SORCS2: variants seen among roughly 807,000 people sequenced by gnomAD.
The protein encoded by SORCS2 is sortilin related VPS10 domain containing receptor 2.
A neutral mutation model predicts 141.6 loss-of-function variants in SORCS2; 100 were observed. That is an observed-to-expected ratio of 0.71 (90% CI 0.60 to 0.83). The LOEUF is 0.83. SORCS2 is among the 40% of genes least tolerant of loss of function. The pLI, the probability that SORCS2 is intolerant of heterozygous loss-of-function variation, is 0.00. For synonymous variants in SORCS2, 789 were observed against 676.9 expected (o/e 1.17, Z -2.57); for missense variants, 1,646 against 1,560.2 (o/e 1.05, Z -0.93).
In SORCS2 at chr4:7,664,276, G is replaced by A; in HGVS notation, c.953-77G>A. 8.7e-7 allele frequency: 1 copy of A among 1,153,082 alleles called. No individual in the cohort carries two copies. Among genetic ancestry groups the A allele is most frequent in the East Asian group, 2.6e-5 (1 of 39,038 alleles). 71.4% of individuals were successfully genotyped at this position (1,153,082 alleles called of 1,614,324 possible). ...ACCACAGCGGTATTGGAGGAAGATG[G>A]AGTCCAGCACATGTCTCGGGCCGTC... On this transcript the variant is annotated intron_variant, in intron 6 of 26. Transcript: ENST00000507866. The surrounding 1 kb of genome is among the most constrained non-coding windows in gnomAD (Gnocchi z 4.7).
intron 2 of SORCS2, among the ~76,000 whole-genome samples, chr4:7,418,090 C>T (rs145638990): frequency 0.012 from 1,893 of 152,230 alleles, 36 homozygotes; most frequent in African/African-American, 0.042. Context: ...GTCACTTCTT[C>T]CTCCTCCTCC....
At chr4:7,417,695 G>C (rs924540613) in intron 2 of SORCS2, among the ~76,000 whole-genome samples, 2 of 152,190 alleles carry the variant, frequency 1.3e-5, no homozygotes, top group Admixed American at 6.5e-5. Context: ...TGACCCTGCT[G>C]GGCCTCGGCT....
intron 1 of SORCS2, among the ~76,000 whole-genome samples, chr4:7,318,940 A>G (rs1718726834): frequency 6.6e-6 from 1 of 152,110 alleles, no homozygotes; most frequent in African/African-American, 2.4e-5. Flanking sequence ...TTTGGTCTGT[A>G]TAGTTTTGCC....
chr4:7,545,805 C>T (rs529598585), intron 3 of SORCS2, among the ~76,000 whole-genome samples: 1 of 152,240 alleles, frequency 6.6e-6, no homozygotes, highest in African/African-American at 2.4e-5. Flanking sequence ...AGAGTGCACG[C>T]TCTGCCTCCG....
In SORCS2 at chr4:7,196,742, G is replaced by A. The variant is rs191214080; in HGVS notation, c.480+3616G>A. The stretch of plus-strand genomic sequence containing the variant: ...TTGAATGCAGAGGTGATTCTGAGCA[G>A]ACTACCCACACTCTCTGTTCTGCAA... On this transcript the variant is annotated intron_variant, in intron 1 of 26. Coordinates refer to ENST00000507866, the MANE Select transcript of SORCS2 (RefSeq NM_020777.3). 1.9e-3 allele frequency among the ~76,000 whole-genome samples: 288 copies of A among 151,894 alleles called. 1 individual carries two copies. Among genetic ancestry groups the A allele is most frequent in the Middle Eastern group, 0.01 (3 of 294 alleles).
chr4:7,238,372 A>T (rs1330778242), intron 1 of SORCS2, among the ~76,000 whole-genome samples: 1 of 152,100 alleles, frequency 6.6e-6, no homozygotes, highest in East Asian at 1.9e-4. Flanking sequence ...ATCCAGACTG[A>T]GGCTGTTGTT....
chr4:7,487,929 C>T (rs973889782), intron 2 of SORCS2, among the ~76,000 whole-genome samples: 4 of 152,118 alleles, frequency 2.6e-5, no homozygotes, highest in Non-Finnish European at 5.9e-5. Context: ...CTGATGTCTA[C>T]AAAGGAACGA....
chr4:7,435,435 C>T (rs1207254423), intron 2 of SORCS2, among the ~76,000 whole-genome samples: 2 of 152,264 alleles, frequency 1.3e-5, no homozygotes, highest in Admixed American at 6.5e-5. Flanking sequence ...GCCACGTGCC[C>T]AGCTGGGGTT....
chr4:7,572,432 G>A (rs116041035), intron 3 of SORCS2, among the ~76,000 whole-genome samples: 25 of 152,024 alleles, frequency 1.6e-4, no homozygotes, highest in South Asian at 2.1e-4. Flanking sequence ...GTTTCTTTAC[G>A]TGAATTTTTT....
intron 2 of SORCS2, among the ~76,000 whole-genome samples, chr4:7,427,436 C>T (rs1400811801): frequency 6.6e-6 from 1 of 152,178 alleles, no homozygotes; most frequent in Non-Finnish European, 1.5e-5. Context: ...TGAGCTTCAG[C>T]AGTGGGAGGA....
chr4:7,676,035 TGCACATCCCCA>T lies in SORCS2; in HGVS notation c.1162-14_1162-4del. The T allele has an allele frequency of 6.4e-7, 1 of 1,568,076 alleles. No homozygotes were observed. The highest frequency in any genetic ancestry group is 8.7e-7 in the Non-Finnish European group (1 of 1,155,656). On this transcript the variant is annotated splice_polypyrimidine_tract_variant and splice_region_variant and intron_variant, in intron 8 of 26. Transcript: ENST00000507866. ...AGCCTGGCTCTGACCCTGTGCTCCC[TGCACATCCCCA>T]CAGGATCTGCAGATCATCAGCACGG... is the stretch of plus-strand genomic sequence containing the variant.
chr4:7,702,553 G>A (rs957663693), intron 12 of SORCS2, among the ~76,000 whole-genome samples: 8 of 152,194 alleles, frequency 5.3e-5, no homozygotes, highest in South Asian at 4.1e-4. Context: ...GTCCCCTCCC[G>A]GGTGAGCCCT....
rs57086568 is a variant in SORCS2, at chr4:7,198,382, C to T, written c.480+5256C>T. On this transcript the variant is annotated intron_variant, in intron 1 of 26. Coordinates refer to ENST00000507866, the MANE Select transcript of SORCS2 (RefSeq NM_020777.3). ...GTGGTTTTGTGATGTCAACTCCAGT[C>T]CACCTTAGAGGACAGCTTGGTGGCT... Among the ~76,000 whole-genome samples the T allele has an allele frequency of 9.7e-3, 1,474 of 152,320 alleles. 18 individuals carry two copies. Among genetic ancestry groups the T allele is most frequent in the African/African-American group, 0.033 (1,362 of 41,572 alleles).
At chr4:7,275,913 C>T (rs140349316) in intron 1 of SORCS2, among the ~76,000 whole-genome samples, 1 of 152,238 alleles carries the variant, frequency 6.6e-6, no homozygotes, top group Non-Finnish European at 1.5e-5. Context: ...ACCCGGGACT[C>T]CTAGTGTCCG....
chr4:7,473,624 C>G (rs1013857329), intron 2 of SORCS2, among the ~76,000 whole-genome samples: 1 of 152,134 alleles, frequency 6.6e-6, no homozygotes, highest in Non-Finnish European at 1.5e-5. Context: ...CAAAGGGCCC[C>G]GAATGCCAAG....
In SORCS2 at chr4:7,378,153, G is replaced by A. The variant is rs186215522; in HGVS notation, c.481-18135G>A. Among the ~76,000 whole-genome samples, 215 of 152,332 alleles carry A rather than the reference G, an allele frequency of 1.4e-3. No individual in the cohort carries two copies. The South Asian group carries it at 0.021, about 15-fold the overall frequency. ...AAATACAGATGGGGTGGGTAGGCTT[G>A]TGACTCTTCATGGCCATGAAAATGA... is the stretch of plus-strand genomic sequence containing the variant. On this transcript the variant is annotated intron_variant, in intron 1 of 26. Coordinates refer to ENST00000507866, the MANE Select transcript of SORCS2 (RefSeq NM_020777.3).
chr4:7,206,960 C>A (rs762447804), intron 1 of SORCS2, among the ~76,000 whole-genome samples: 3 of 152,144 alleles, frequency 2.0e-5, no homozygotes, highest in Non-Finnish European at 4.4e-5. Flanking sequence ...ATTCGAGAAA[C>A]CTGGGCTTTC....
chr4:7,217,035 C>T (rs559870056), intron 1 of SORCS2, among the ~76,000 whole-genome samples: 4 of 93,506 alleles, frequency 4.3e-5, no homozygotes, highest in South Asian at 6.0e-4. Flanking sequence ...ACTACAGCTG[C>T]GCTCCTTTGG....
chr4:7,262,564 A>AT (rs1464607663), intron 1 of SORCS2, among the ~76,000 whole-genome samples: 2 of 152,242 alleles, frequency 1.3e-5, no homozygotes, highest in Non-Finnish European at 2.9e-5. Flanking sequence ...AACAAATATG[A>AT]TTCCCAGGTA....
Sources: gnomAD v4.1 joint callset for allele counts (sites outside exome capture counted in the v4.1 genomes callset) on GRCh38, gnomAD v4.1.1 for gene constraint, Gnocchi (gnomAD v3.1) non-coding constraint, MANE v1.5 for transcripts, NCBI Gene and HGNC (gene_info 2026-07-23, HGNC 2026-07-21) for gene names.